The following CD5L variants were observed in gnomAD, a reference collection of about 807,000 sequenced individuals.
The protein encoded by CD5L is CD5 antigen-like.
CD5L carries 39 observed loss-of-function variants against 40.8 expected under a neutral mutation model. The ratio of observed to expected loss-of-function variants is 0.96; its 90% CI spans 0.74 to 1.25. The LOEUF is 1.25. CD5L is among the 50% of genes most tolerant of loss of function. The pLI is 0.00. For missense variants in CD5L, 433 were observed against 435.9 expected (o/e 0.99, Z 0.06); for synonymous variants, 192 against 169.6 (o/e 1.13, Z -1.03).
chr1:157,833,352 G>A lies in CD5L; in HGVS notation c.879C>T (p.Pro293=). The change falls in exon 5 of 6, where the codon CCC becomes CCT. Residue 293 remains proline, a synonymous_variant. Coordinates refer to ENST00000368174, the MANE Select transcript of CD5L (RefSeq NM_005894.3). ...KQLGCGKSLS[P]SFRDRKCYGP... ...CATAGCATTTCCGGTCTCTGAAGGA[G>A]GGAGAGAGGGACTTCCCACAGCCCA... is the stretch of plus-strand genomic sequence containing the variant. The A allele has an allele frequency of 6.2e-7, 1 of 1,614,154 alleles. No individual in the cohort carries two copies. The highest frequency in any genetic ancestry group is 1.1e-5 in the South Asian group (1 of 91,080).
At chr1:157,832,221 CA>C (rs1006421599) in intron 5 of CD5L, among the ~76,000 whole-genome samples, 3 of 152,208 alleles carry the variant, frequency 2.0e-5, no homozygotes, top group Non-Finnish European at 4.4e-5. Context: ...CACACAATCA[CA>C]AAGTCTTTGA....
chr1:157,834,359 A>T (rs753408740), intron 4 of CD5L, 48 bp downstream of exon 4: 2 of 1,463,558 alleles, frequency 1.4e-6, no homozygotes, highest in Non-Finnish European at 1.9e-6. Flanking sequence ...GAGATTCCAC[A>T]TAATTAAATC....
At chr1:157,835,749 G>T in intron 3 of CD5L, 86 bp downstream of exon 3, 2 of 1,110,406 alleles carry the variant, frequency 1.8e-6, no homozygotes, top group East Asian at 2.4e-5. Flanking sequence ...TTGTGTGAAC[G>T]TCTATGGTAG....
Position 157,834,434 on chromosome 1 carries a change from C to G in CD5L, c.691G>C (p.Asp231His). The change falls in exon 4 of 6, where the codon GAT becomes CAT. Residue 231 changes from aspartate (D) to histidine (H), a missense_variant. By Grantham distance (81) the Asp-to-His change is moderately conservative (BLOSUM62 -1). Coordinates refer to ENST00000368174, the MANE Select transcript of CD5L (RefSeq NM_005894.3). Reference protein sequence around the residue: ...GPWGKNTCNHDEDTWVECEDP... With the variant: ...GPWGKNTCNHHEDTWVECEDP... ...TCACATTCGACCCACGTGTCTTCAT[C>G]ATGGTTGCAGGTGTTCTTCCCCCAA... is the stretch of plus-strand genomic sequence containing the variant. The G allele has an allele frequency of 6.2e-7, 1 of 1,613,930 alleles. No homozygotes were observed. The highest frequency in any genetic ancestry group is 8.5e-7 in the Non-Finnish European group (1 of 1,179,822).
intron 2 of CD5L, 96 bp from the exon 3 acceptor site, chr1:157,836,251 A>C (rs1339258616): frequency 9.1e-6 from 9 of 988,582 alleles, no homozygotes; most frequent in African/African-American, 1.6e-5. Context: ...CACCATTCAA[A>C]TGGTGCAGAG....
downstream of CD5L, among the ~76,000 whole-genome samples, chr1:157,829,117 G>A (rs1309972583): frequency 6.6e-6 from 1 of 152,242 alleles, no homozygotes; most frequent in African/African-American, 2.4e-5. Flanking sequence ...GAAAGCCCAT[G>A]TGACGGCAAT....
At chr1:157,836,306 G>A (rs1656213846) in intron 2 of CD5L, 151 bp from the exon 3 acceptor site, 1 of 660,272 alleles carries the variant, frequency 1.5e-6, no homozygotes, top group South Asian at 2.1e-5. Flanking sequence ...AGGGAAGGAA[G>A]AGGAGCTTCA....
chr1:157,834,277 T>C (rs1656129791), intron 4 of CD5L, 130 bp downstream of exon 4: 1 of 734,556 alleles, frequency 1.4e-6, no homozygotes, highest in Admixed American at 3.0e-5. Context: ...AGGAATTAAT[T>C]ATCTGCCCAG....
At chr1:157,838,740 G>A (rs1323989146) in intron 2 of CD5L, among the ~76,000 whole-genome samples, 1 of 152,054 alleles carries the variant, frequency 6.6e-6, no homozygotes, top group African/African-American at 2.4e-5. Context: ...CACACCAATA[G>A]CAATGTTTCT....
At chr1:157,833,129 T>A in intron 5 of CD5L, 63 bp downstream of exon 5, 2 of 1,317,726 alleles carry the variant, frequency 1.5e-6, no homozygotes, top group East Asian at 2.3e-5. Flanking sequence ...TACACCCCCA[T>A]CATTTCCTCT....
At chr1:157,834,888 C>A in intron 3 of CD5L, 140 bp from the exon 4 acceptor site, 1 of 565,538 alleles carries the variant, frequency 1.8e-6, no homozygotes, top group Non-Finnish European at 3.1e-6. Context: ...CTCATAGATG[C>A]CTGCTGAAAG....
At chr1:157,833,656 A>C in intron 4 of CD5L, 144 bp from the exon 5 acceptor site, 1 of 654,182 alleles carries the variant, frequency 1.5e-6, no homozygotes, top group Non-Finnish European at 2.5e-6. Context: ...CCCAGGCTGG[A>C]GTGTAGTGGT....
chr1:157,833,472 G>GC lies in CD5L; in HGVS notation c.758dup (p.Cys253TrpfsTer18). 2 of 1,614,048 alleles carry GC rather than the reference G, an allele frequency of 1.2e-6. No individual in the cohort carries two copies. Among genetic ancestry groups the GC allele is most frequent in the Non-Finnish European group, 1.7e-6 (2 of 1,179,946 alleles). ...TGTGCAGCACCTCCAGTCGCCCAGA[G>GC]CAGAGGTTGTCTCCTCCTACTAGTC... On this transcript the variant is annotated frameshift_variant, in exon 5 of 6. Coordinates refer to ENST00000368174, the MANE Select transcript of CD5L (RefSeq NM_005894.3). LOFTEE classifies it high-confidence loss of function.
At chr1:157,835,810 G>T in intron 3 of CD5L, 25 bp downstream of exon 3, 1 of 1,573,712 alleles carries the variant, frequency 6.4e-7, no homozygotes, top group South Asian at 1.2e-5. Context: ...GCTGGCAAGT[G>T]GTCCGGGACC....
intron 4 of CD5L, 56 bp downstream of exon 4, chr1:157,834,351 G>T: frequency 7.1e-7 from 1 of 1,411,068 alleles, no homozygotes; most frequent in South Asian, 1.3e-5. Context: ...GTTTGAATGA[G>T]ATTCCACATA....
chr1:157,835,424 C>T (rs1656178817), intron 3 of CD5L, among the ~76,000 whole-genome samples: 1 of 152,172 alleles, frequency 6.6e-6, no homozygotes, highest in African/African-American at 2.4e-5. Flanking sequence ...TCCTTTCTAC[C>T]TGATTAGAAG....
chr1:157,836,631 G>A (rs541813879), intron 2 of CD5L, among the ~76,000 whole-genome samples: 3 of 152,272 alleles, frequency 2.0e-5, no homozygotes, highest in South Asian at 2.1e-4. Context: ...TATCTGTTGC[G>A]TTTTTCCTCT....
chr1:157,838,273 CA>C (rs1255875533), intron 2 of CD5L, among the ~76,000 whole-genome samples: 2 of 152,134 alleles, frequency 1.3e-5, no homozygotes, highest in South Asian at 2.1e-4. Flanking sequence ...CATTTTCACA[CA>C]ACTGAGTTTA....
At chr1:157,839,472 C>A (rs1270502471) in intron 1 of CD5L, 62 bp from the exon 2 acceptor site, 3 of 1,549,814 alleles carry the variant, frequency 1.9e-6, no homozygotes, top group Admixed American at 3.5e-5. Context: ...AAGAACACAA[C>A]TCTAGAAGGC....
Sources: allele counts gnomAD v4.1 joint callset (sites outside exome capture counted in the v4.1 genomes callset), GRCh38; gene constraint gnomAD v4.1.1; transcripts MANE v1.5; gene names NCBI Gene and HGNC (gene_info 2026-07-23, HGNC 2026-07-21).